The following OTOF variants were observed in gnomAD, a reference collection of about 807,000 sequenced individuals.
The protein encoded by OTOF is otoferlin.
Under a neutral mutation model 236.8 loss-of-function variants are expected in OTOF, and 218 were observed. That is an observed-to-expected ratio of 0.92 (90% CI 0.82 to 1.03). OTOF has a LOEUF of 1.03. Ranked by LOEUF, OTOF falls within the 50% of genes least tolerant of loss-of-function variation. The pLI is 0.00. For synonymous variants in OTOF, 1,041 were observed against 1,072.5 expected, an observed-to-expected ratio of 0.97 and a Z score of 0.57; for missense variants, 2,590 against 2,694.4, an observed-to-expected ratio of 0.96 and a Z score of 0.86.
chr2:26,491,002 G>A (rs1188550958), intron 9 of OTOF, among the ~76,000 whole-genome samples: 2 of 152,180 alleles, frequency 1.3e-5, no homozygotes, highest in East Asian at 3.9e-4. Context: ...GATGGTAACT[G>A]ACACCTTGGA....
In OTOF at chr2:26,474,635, G is replaced by A; in HGVS notation, c.3166C>T (p.Leu1056=). ...TACGCCTCGTCTGCCATCTTCACCA[G>A]GGGTTTGGCGAAGGTCCGGCCCATG... ...DFMGRTFAKP[L]VKMADEAYCP... is the part of the protein sequence containing the mutation. The change falls in exon 26 of 47, where the codon CTG becomes TTG. Residue 1056 remains leucine, a synonymous_variant. Transcript: ENST00000272371. 6.2e-6 allele frequency: 10 copies of A among 1,613,376 alleles called. No individual in the cohort carries two copies. Among genetic ancestry groups the A allele is most frequent in the Non-Finnish European group, 7.6e-6 (9 of 1,180,016 alleles).
Position 26,462,283 on chromosome 2 carries a change from G to A in OTOF, c.5193-102C>T. On this transcript the variant is annotated intron_variant, in intron 41 of 46. Coordinates refer to ENST00000272371, the MANE Select transcript of OTOF (RefSeq NM_194248.3). This position sits in a 1 kb window ranked among gnomAD's most constrained non-coding sequence, Gnocchi z 4.7. ...GGCGGAGAGAAGCCCTGGGGTCTTGGGGTCAGCACAGGGCCTGGGCCAGGC... is the reference window on the plus strand; with the variant it reads ...GGCGGAGAGAAGCCCTGGGGTCTTGAGGTCAGCACAGGGCCTGGGCCAGGC... 1 of 1,024,138 alleles carries A rather than the reference G, an allele frequency of 9.8e-7. No individual in the cohort carries two copies. Among genetic ancestry groups the A allele is most frequent in the Non-Finnish European group, 1.5e-6 (1 of 649,254 alleles). The allele number at this position is 1,024,138 out of a possible 1,614,324, so 63.4% of individuals were successfully genotyped here.
chr2:26,491,460 C>T (rs1433512876), intron 9 of OTOF, among the ~76,000 whole-genome samples: 1 of 152,168 alleles, frequency 6.6e-6, no homozygotes, highest in Non-Finnish European at 1.5e-5. Flanking sequence ...TCCTTGAGCA[C>T]ACATGGGTCT....
Position 26,480,943 on chromosome 2 carries a change from A to G in OTOF, c.1646T>C (p.Leu549Pro). ...CTCGTTCAGGTCCTGATGCTCATCC[A>G]GCAGCGTGTAGTTACGTGTGGAGCC... ...MYGSTRNYTL[L>P]DEHQDLNEGL... The change falls in exon 15 of 47, where the codon CTG (leucine) becomes CCG (proline). Residue 549 changes from leucine to proline, a missense_variant. Physicochemically the swap from Leu to Pro is moderately conservative, Grantham distance 98 (BLOSUM62 -3). Transcript: ENST00000272371. The G allele has an allele frequency of 6.2e-7, 1 of 1,613,038 alleles. No homozygotes were observed. The highest frequency in any genetic ancestry group is 8.5e-7 in the Non-Finnish European group (1 of 1,180,014).
chr2:26,523,116 GTCCTGGCTCCTGAATTAT>G (rs1477248014), intron 3 of OTOF, among the ~76,000 whole-genome samples: 1 of 152,256 alleles, frequency 6.6e-6, no homozygotes, highest in Non-Finnish European at 1.5e-5. Context: ...CTCTCCTGCT[GTCCTGGCTCCTGAATTAT>G]TCAGGGTCCC....
intron 9 of OTOF, among the ~76,000 whole-genome samples, chr2:26,491,497 A>C (rs1175586224): frequency 6.6e-6 from 1 of 152,210 alleles, no homozygotes; most frequent in Non-Finnish European, 1.5e-5. Context: ...CATATGCTGG[A>C]GTAGAACACC....
intron 2 of OTOF, among the ~76,000 whole-genome samples, chr2:26,536,255 G>A (rs1192546417): frequency 1.3e-5 from 2 of 152,150 alleles, no homozygotes; most frequent in African/African-American, 2.4e-5. Context: ...TCATTTCACA[G>A]AGACCTTCAC....
rs1335024505 is a variant in OTOF, at chr2:26,470,540, GA to G, written c.4023+52del. On this transcript the variant is annotated intron_variant, in intron 32 of 46. Transcript: ENST00000272371. This position sits in a 1 kb window ranked among gnomAD's most constrained non-coding sequence, Gnocchi z 4.3. ...GGGCCGTGGGAAAGAAGCTGGACAG[GA>G]GGGTCTGAGTGTGGAGGGGGTCACC... The G allele has an allele frequency of 5.7e-6, 9 of 1,570,320 alleles. No individual in the cohort carries two copies. In the African/African-American group the frequency reaches 1.2e-4, roughly 21 times the overall value.
chr2:26,554,158 C>T (rs1353336958), intron 1 of OTOF, among the ~76,000 whole-genome samples: 4 of 94,222 alleles, frequency 4.2e-5, no homozygotes, highest in South Asian at 4.1e-4. Flanking sequence ...GGCGACAGAG[C>T]GAGACTCAAA....
chr2:26,481,070 G>GGACCCCCAAAAGA, intron 14 of OTOF, 61 bp from the exon 15 acceptor site: 1 of 1,331,432 alleles, frequency 7.5e-7, no homozygotes. Context: ...TGGGGAAGAG[G>GGACCCCCAAAAGA]GGCCTCTTTT....
intron 1 of OTOF, among the ~76,000 whole-genome samples, chr2:26,539,116 A>T (rs1472897426): frequency 6.6e-6 from 1 of 152,064 alleles, no homozygotes; most frequent in Non-Finnish European, 1.5e-5. Context: ...CCAGGCCTCC[A>T]GTACAACACC....
chr2:26,514,211 G>C (rs1009108925), intron 5 of OTOF, among the ~76,000 whole-genome samples: 1 of 152,286 alleles, frequency 6.6e-6, no homozygotes, highest in African/African-American at 2.4e-5. Context: ...GTGGCAGCAG[G>C]GAAACTGTGC....
In OTOF at chr2:26,466,793, T is replaced by C. The variant is rs752332157; in HGVS notation, c.4421A>G (p.Tyr1474Cys). The change falls in exon 36 of 47, where the codon TAC becomes TGC. Residue 1474 changes from tyrosine to cysteine, a missense_variant. Tyr to Cys is a radical substitution (Grantham distance 194). Transcript: ENST00000272371. ...CTGGAACATGCCGTAGGTGGAGTCG[T>C]AGCCGGCTTCCCGGGACACGTCCTC... Reference protein sequence around the residue: ...LPEDVSREAGYDSTYGMFQGI... With the variant: ...LPEDVSREAGCDSTYGMFQGI... 2 of 1,614,220 alleles carry C rather than the reference T, an allele frequency of 1.2e-6. No homozygotes were observed. Among genetic ancestry groups the C allele is most frequent in the Non-Finnish European group, 1.7e-6 (2 of 1,180,038 alleles).
intron 3 of OTOF, among the ~76,000 whole-genome samples, chr2:26,527,247 A>G (rs1666829789): frequency 6.6e-6 from 1 of 152,250 alleles, no homozygotes; most frequent in African/African-American, 2.4e-5. Context: ...GTGAGTGAAT[A>G]TCTATCTCAT....
Position 26,502,235 on chromosome 2 carries a change from T to C in OTOF, c.710+65A>G, listed in dbSNP as rs1351259191. On this transcript the variant is annotated intron_variant, in intron 7 of 46. Transcript: ENST00000272371. ...TTCTTCCCTACCCAAATTCCAATCA[T>C]GGCAAGCCAGGTCCTGCCTGACAGG... The C allele has an allele frequency of 7.6e-6, 12 of 1,588,148 alleles. No individual in the cohort carries two copies. The African/African-American group carries it at 8.1e-5, about 11-fold the overall frequency.
intron 5 of OTOF, among the ~76,000 whole-genome samples, chr2:26,511,214 G>A (rs1031103486): frequency 1.3e-5 from 2 of 152,216 alleles, no homozygotes; most frequent in African/African-American, 2.4e-5. Flanking sequence ...GGCTCTGGGG[G>A]CCTCTAGGGG....
intron 2 of OTOF, among the ~76,000 whole-genome samples, chr2:26,537,003 T>C (rs1667088057): frequency 6.6e-6 from 1 of 152,180 alleles, no homozygotes; most frequent in South Asian, 2.1e-4. Context: ...GGAAGCGTTG[T>C]AAGTCCTCTC....
intron 5 of OTOF, among the ~76,000 whole-genome samples, chr2:26,515,108 C>T (rs766975584): frequency 6.6e-6 from 1 of 152,240 alleles, no homozygotes; most frequent in Non-Finnish European, 1.5e-5. Context: ...GTGATCCCTC[C>T]GGCTCTCCCA....
rs397515608 is a variant in OTOF at position 26,460,997 on chromosome 2, C to T, written c.5567G>A (p.Arg1856Gln). 7 of 1,505,100 alleles carry T rather than the reference C, an allele frequency of 4.7e-6. No individual in the cohort carries two copies. Among genetic ancestry groups the T allele is most frequent in the Middle Eastern group, 1.8e-4 (1 of 5,532 alleles). 93.2% of individuals were successfully genotyped at this position (1,505,100 alleles called of 1,614,324 possible). A position where few individuals can be genotyped will look rare whatever the true frequency, so the allele number is the denominator to read the frequency against. Residue 1856 changes from arginine (R) to glutamine (Q), a missense_variant, in exon 44 of 47, where the codon CGG becomes CAG. Physicochemically the swap from Arg to Gln is conservative, Grantham distance 43 (BLOSUM62 1). This residue lies in a region of OTOF where 1,211 missense variants were observed against 1,352.8 expected (regional missense o/e 0.90). Coordinates refer to ENST00000272371, the MANE Select transcript of OTOF (RefSeq NM_194248.3). The surrounding 1 kb of genome is among the most constrained non-coding windows in gnomAD (Gnocchi z 5.3). The stretch of plus-strand genomic sequence containing the variant: ...GCACTGCTTGGCTGTCTTTGCGCCC[C>T]GCGGGAACCGGTTCAGGTCCAGCTC... ...AIELDLNRFP[R>Q]GAKTAKQCTM...
Sources: gnomAD v4.1 joint callset for allele counts (sites outside exome capture counted in the v4.1 genomes callset) on GRCh38, gnomAD v4.1.1 for gene constraint, gnomAD v4.1.1 regional missense constraint, Gnocchi (gnomAD v3.1) non-coding constraint, MANE v1.5 for transcripts, NCBI Gene and HGNC (gene_info 2026-07-23, HGNC 2026-07-21) for gene names.